Variants in SHROOM2 observed in about 807,000 individuals in gnomAD.
The protein encoded by SHROOM2 is protein Shroom2.
SHROOM2 carries 33 observed loss-of-function variants against 75.9 expected under a neutral mutation model. That is an observed-to-expected ratio of 0.43 (90% CI 0.33 to 0.58). The LOEUF (loss-of-function observed/expected upper bound fraction) is 0.58, where lower values mean the gene tolerates loss of function less well. Among genes scored for constraint, SHROOM2 ranks in the 20% least tolerant of loss-of-function variants. The pLI, the probability that SHROOM2 is intolerant of heterozygous loss-of-function variation, is 0.04. For missense variants in SHROOM2, 1,434 were observed against 1,461.2 expected (o/e 0.98, Z 0.30); for synonymous variants, 655 against 663.6 (o/e 0.99, Z 0.20).
At chrX:9,899,395 A>G (rs931051037) in intron 5 of SHROOM2, among the ~76,000 whole-genome samples, 1 of 111,658 alleles carries the variant, frequency 9.0e-6, no homozygotes, top group Non-Finnish European at 1.9e-5. Flanking sequence ...AATGCACGAC[A>G]GGGTCCCCGG....
chrX:9,824,036 A>G (rs1453546455), intron 1 of SHROOM2, among the ~76,000 whole-genome samples: 2 of 110,663 alleles, frequency 1.8e-5, no homozygotes, highest in Non-Finnish European at 3.8e-5. Context: ...TACAGGCGTG[A>G]GCCACTGCAG....
At chrX:9,823,373 G>A (rs1230557849) in intron 1 of SHROOM2, among the ~76,000 whole-genome samples, 2 of 110,444 alleles carry the variant, frequency 1.8e-5, no homozygotes, top group Non-Finnish European at 3.8e-5. Context: ...CTCCCAAGTA[G>A]CTGGGACTAA....
intron 1 of SHROOM2, among the ~76,000 whole-genome samples, chrX:9,821,323 C>T (rs749475726): frequency 8.9e-6 from 1 of 111,918 alleles, no homozygotes; most frequent in African/African-American, 3.3e-5. Flanking sequence ...ACACTGAAAT[C>T]GGAACCAGTT....
Position 9,896,258 on chromosome X carries a change from C to G in SHROOM2, c.2350C>G (p.Pro784Ala), listed in dbSNP as rs147717742. ...LTRGYSPHQH[P>A]RTSEDTVGTF... is the part of the protein sequence containing the mutation. ...GAGGGGCTACAGTCCTCACCAGCAC[C>G]CCAGGACATCTGAGGATACTGTGGG... Residue 784 changes from proline to alanine, a missense_variant, in exon 4 of 10, where the codon CCC (proline) becomes GCC (alanine). Coordinates refer to ENST00000380913, the MANE Select transcript of SHROOM2 (RefSeq NM_001649.4). 1 of 1,211,146 alleles carries G rather than the reference C, an allele frequency of 8.3e-7. No homozygotes were observed. The highest frequency in any genetic ancestry group is 1.7e-5 in the African/African-American group (1 of 57,605).
chrX:9,823,896 C>T (rs1458241984), intron 1 of SHROOM2, among the ~76,000 whole-genome samples: 2 of 108,450 alleles, frequency 1.8e-5, no homozygotes, highest in African/African-American at 6.7e-5. Context: ...GGAGCTGGGA[C>T]TATAGGCATG....
At chrX:9,814,255 CT>C (rs1251508380) in intron 1 of SHROOM2, among the ~76,000 whole-genome samples, 3 of 111,367 alleles carry the variant, frequency 2.7e-5, no homozygotes, top group Admixed American at 1.9e-4. Flanking sequence ...CAAATAAACT[CT>C]TAGAACCTTT....
Position 9,947,507 on chromosome X carries a change from A to G in SHROOM2, c.*570A>G, listed in dbSNP as rs888599297. The G allele has an allele frequency of 8.9e-6, 1 of 112,972 alleles. No individual in the cohort carries two copies. Among genetic ancestry groups the G allele is most frequent in the African/African-American group, 3.2e-5 (1 of 30,855 alleles). 9.3% of individuals were successfully genotyped at this position (112,972 alleles called of 1,213,427 possible). Reference sequence around the variant, plus strand: ...ATTTATTAACTTTTTGGAAGGGTGAATAGTTTCCTAATGGTTAAAAACCAA... The same window carrying G: ...ATTTATTAACTTTTTGGAAGGGTGAGTAGTTTCCTAATGGTTAAAAACCAA... On this transcript the variant is annotated 3_prime_UTR_variant, in exon 10 of 10. Transcript: ENST00000380913.
chrX:9,805,878 T>C (rs1315645998), intron 1 of SHROOM2, among the ~76,000 whole-genome samples: 6 of 99,924 alleles, frequency 6.0e-5, no homozygotes, highest in Non-Finnish European at 8.0e-5. Flanking sequence ...CACTCCAGCC[T>C]GGGTGACAGA....
chrX:9,918,827 G>C (rs1165537287), intron 5 of SHROOM2, among the ~76,000 whole-genome samples: 2 of 111,607 alleles, frequency 1.8e-5, no homozygotes, highest in East Asian at 5.6e-4. Flanking sequence ...CATTCCTGAG[G>C]GCTTCACCCT....
intron 5 of SHROOM2, among the ~76,000 whole-genome samples, chrX:9,923,431 A>G (rs1263154453): frequency 1.8e-5 from 2 of 112,427 alleles, no homozygotes; most frequent in Non-Finnish European, 3.8e-5. Flanking sequence ...TTGAATATCT[A>G]AAGGAAGTGG....
chrX:9,854,613 G>A (rs866152395), intron 1 of SHROOM2, among the ~76,000 whole-genome samples: 1 of 112,118 alleles, frequency 8.9e-6, no homozygotes, highest in Non-Finnish European at 1.9e-5. Context: ...TACTCTTCAC[G>A]GTCCTGAGTT....
At chrX:9,838,206 G>A (rs1471589235) in intron 1 of SHROOM2, among the ~76,000 whole-genome samples, 2 of 108,843 alleles carry the variant, frequency 1.8e-5, no homozygotes, top group Non-Finnish European at 3.8e-5. Flanking sequence ...GACTACAGGT[G>A]CCCGCCACCA....
chrX:9,943,631 G>T (rs2084791336), intron 8 of SHROOM2, among the ~76,000 whole-genome samples: 1 of 111,817 alleles, frequency 8.9e-6, no homozygotes, highest in South Asian at 3.8e-4. Context: ...GTGGTGACAG[G>T]TGCATCGCAG....
rs12390837 is a variant in SHROOM2 at position 9,935,338 on chromosome X, A to T, written c.3588-1796A>T. Among the ~76,000 whole-genome samples, 357 of 75,349 alleles carry T rather than the reference A, an allele frequency of 4.7e-3. 2 individuals carry two copies. Among genetic ancestry groups the T allele is most frequent in the African/African-American group, 0.019 (315 of 17,012 alleles). 65.4% of individuals were successfully genotyped at this position (75,349 alleles called of 115,157 possible). A position where few individuals can be genotyped will look rare whatever the true frequency, so the allele number is the denominator to read the frequency against. On this transcript the variant is annotated intron_variant, in intron 6 of 9. Coordinates refer to ENST00000380913, the MANE Select transcript of SHROOM2 (RefSeq NM_001649.4). ...ATTATTATTATTATTATTATTATTT[A>T]TTATTATTATGTTTTTAACAGAGAG... is the stretch of plus-strand genomic sequence containing the variant.
intron 8 of SHROOM2, among the ~76,000 whole-genome samples, chrX:9,943,282 C>T (rs1017766330): frequency 9.0e-6 from 1 of 110,695 alleles, no homozygotes; most frequent in South Asian, 3.9e-4. Flanking sequence ...AAAGACCTCA[C>T]GCAATCAGGA....
chrX:9,917,374 A>G (rs1569168637), intron 5 of SHROOM2, among the ~76,000 whole-genome samples: 1 of 111,618 alleles, frequency 9.0e-6, no homozygotes, highest in East Asian at 2.8e-4. Flanking sequence ...CTCCTGCGTG[A>G]GACACTTCTA....
chrX:9,930,804 A>G (rs1401028920), intron 5 of SHROOM2, among the ~76,000 whole-genome samples: 1 of 110,438 alleles, frequency 9.1e-6, no homozygotes, highest in Admixed American at 9.6e-5. Flanking sequence ...GTGCAGTGGT[A>G]TGATCTCAGC....
chrX:9,844,825 A>T (rs192087061), intron 1 of SHROOM2, among the ~76,000 whole-genome samples: 1,313 of 110,339 alleles, frequency 0.012, 17 homozygotes, highest in African/African-American at 0.038. Flanking sequence ...TAAAATAAAT[A>T]AATAAATTAA....
Position 9,891,038 on chromosome X carries a change from C to A in SHROOM2, c.379C>A (p.Pro127Thr), listed in dbSNP as rs1283191255. ...TGCCACCAAGTTCTCTGACAGCCAC[C>A]CCGAGCTAGCGGCCTCCCCATTCAC... ...WHATKFSDSH[P>T]ELAASPFTST... is the part of the protein sequence containing the mutation. Residue 127 changes from proline to threonine, a missense_variant, in exon 3 of 10, where the codon CCC becomes ACC. Transcript: ENST00000380913. 2 of 1,201,172 alleles carry A rather than the reference C, an allele frequency of 1.7e-6. No homozygotes were observed. The highest frequency in any genetic ancestry group is 3.5e-5 in the African/African-American group (2 of 57,141).
Sources: gnomAD v4.1 joint callset for allele counts (sites outside exome capture counted in the v4.1 genomes callset) on GRCh38, gnomAD v4.1.1 for gene constraint, MANE v1.5 for transcripts, NCBI Gene and HGNC (gene_info 2026-07-23, HGNC 2026-07-21) for gene names.